Variants in FNBP1 observed in about 807,000 individuals in gnomAD.
FNBP1 encodes formin binding protein 1.
In FNBP1, 26 loss-of-function variants were observed where a neutral mutation model predicts 90.6. The observed-to-expected ratio is 0.29, with a 90% CI of 0.21 to 0.40. The LOEUF (loss-of-function observed/expected upper bound fraction) is 0.40, where lower values mean the gene tolerates loss of function less well. Ranked by LOEUF, FNBP1 falls within the 10% of genes least tolerant of loss-of-function variation. The pLI, the probability that FNBP1 is intolerant of heterozygous loss-of-function variation, is 1.00. For missense variants in FNBP1, 635 were observed against 768.0 expected (o/e 0.83, Z 2.05); for synonymous variants, 260 against 265.2 (o/e 0.98, Z 0.19).
chr9:130,037,109 C>G (rs1030091656), intron 1 of FNBP1, among the ~76,000 whole-genome samples: 1 of 150,850 alleles, frequency 6.6e-6, no homozygotes, highest in African/African-American at 2.4e-5. Flanking sequence ...GTAATCCCAG[C>G]ACTTTGGAAG....
chr9:130,036,021 T>TA (rs971632541), intron 1 of FNBP1, among the ~76,000 whole-genome samples: 1,559 of 147,936 alleles, frequency 0.011, 30 homozygotes, highest in African/African-American at 0.037. Context: ...GCCTCATCAT[T>TA]AAAAAAAAAA....
In FNBP1 at chr9:130,043,091, G is replaced by A. The variant is rs1481520795; in HGVS notation, c.-116C>T. ...CGACGGCGGAAAGCCCGGAGTCCGC[G>A]CGGCCTCCTCCGGCTCGCAGCTCCT... is the stretch of plus-strand genomic sequence containing the variant. On this transcript the variant is annotated 5_prime_UTR_variant, in exon 1 of 17. Transcript: ENST00000446176. 3.0e-6 allele frequency: 3 copies of A among 985,056 alleles called. No homozygotes were observed. The highest frequency in any genetic ancestry group is 3.4e-5 in the African/African-American group (2 of 59,256). 61.0% of individuals were successfully genotyped at this position (985,056 alleles called of 1,614,324 possible).
intron 6 of FNBP1, among the ~76,000 whole-genome samples, chr9:129,951,463 A>G (rs1409268040): frequency 7.4e-6 from 1 of 134,890 alleles, no homozygotes; most frequent in Non-Finnish European, 1.6e-5. Flanking sequence ...TTTGTTTGAG[A>G]CAGGATCTTG....
chr9:129,995,177 A>G (rs774911441), intron 1 of FNBP1, among the ~76,000 whole-genome samples: 10 of 152,108 alleles, frequency 6.6e-5, no homozygotes, highest in Non-Finnish European at 1.2e-4. Flanking sequence ...ATTCATTCAT[A>G]TTTCCTATTC....
chr9:129,993,495 A>AC (rs2053529202), intron 2 of FNBP1, among the ~76,000 whole-genome samples: 2 of 150,010 alleles, frequency 1.3e-5, no homozygotes, highest in East Asian at 2.0e-4. Context: ...AAAAAAAAAA[A>AC]CAGAGACAGG....
In FNBP1 at chr9:129,925,069, C is replaced by T. The variant is rs191141789; in HGVS notation, c.878G>A (p.Arg293His). 26 of 1,613,794 alleles carry T rather than the reference C, an allele frequency of 1.6e-5. No homozygotes were observed. Among genetic ancestry groups the T allele is most frequent in the East Asian group, 2.2e-5 (1 of 44,884 alleles). The change falls in exon 9 of 17, where the codon CGC (arginine) becomes CAC (histidine). Residue 293 changes from arginine to histidine, a missense_variant. Transcript: ENST00000446176. ...TGAAAGGCTGTTATCTGACACAGTG[C>T]GCTTCATTGGCTGAGTGTAATCCTC... The part of the protein sequence containing the change: ...EFEDYTQPMK[R>H]TVSDNSLSNS...
At chr9:130,020,232 G>C (rs926804871) in intron 1 of FNBP1, among the ~76,000 whole-genome samples, 1 of 152,120 alleles carries the variant, frequency 6.6e-6, no homozygotes, top group African/African-American at 2.4e-5. Flanking sequence ...TTTTGAGATG[G>C]AGTCTAGCTT....
Position 130,041,719 on chromosome 9 carries a change from C to A in FNBP1, c.24+1233G>T, listed in dbSNP as rs949892708. The stretch of plus-strand genomic sequence containing the variant: ...CCCTCAGGATTTTGGTAATAACAAC[C>A]GTAGCTGCTTCTGTACCTAACAAAT... On this transcript the variant is annotated intron_variant, in intron 1 of 16. Transcript: ENST00000446176. This position sits in a 1 kb window ranked among gnomAD's most constrained non-coding sequence, Gnocchi z 4.3. Among the ~76,000 whole-genome samples, 1 of 152,084 alleles carries A rather than the reference C, an allele frequency of 6.6e-6. No individual in the cohort carries two copies. Among genetic ancestry groups the A allele is most frequent in the Non-Finnish European group, 1.5e-5 (1 of 68,020 alleles).
At chr9:130,040,769 C>T (rs562064863) in intron 1 of FNBP1, among the ~76,000 whole-genome samples, 1 of 152,108 alleles carries the variant, frequency 6.6e-6, no homozygotes, top group Non-Finnish European at 1.5e-5. Context: ...TCCTTTAAAA[C>T]TATTTTCCAA....
intron 15 of FNBP1, among the ~76,000 whole-genome samples, chr9:129,898,145 A>G (rs1296950740): frequency 6.6e-6 from 1 of 152,040 alleles, no homozygotes; most frequent in Non-Finnish European, 1.5e-5. Context: ...TAGTCTTTCT[A>G]ACCATCCTCC....
intron 13 of FNBP1, among the ~76,000 whole-genome samples, chr9:129,902,634 A>C (rs1173842112): frequency 6.6e-6 from 1 of 152,194 alleles, no homozygotes; most frequent in Non-Finnish European, 1.5e-5. Flanking sequence ...CCGTATACAG[A>C]TACAACATTA....
At chr9:129,914,755 G>GTGTGTATATATATATATA (rs71499203) in intron 11 of FNBP1, among the ~76,000 whole-genome samples, 7 of 98,432 alleles carry the variant, frequency 7.1e-5, no homozygotes, top group Admixed American at 2.4e-4. Context: ...ACATACATAT[G>GTGTGTATATATATATATA]TCTATATATA....
Position 129,895,993 on chromosome 9 carries a change from T to C in FNBP1, c.1691A>G (p.Gln564Arg), listed in dbSNP as rs775746582. The change falls in exon 16 of 17, where the codon CAG (glutamine) becomes CGG (arginine). Residue 564 changes from glutamine to arginine, a missense_variant. Transcript: ENST00000446176. Reference sequence around the variant, plus strand: ...AACTACGGAAATCGTTCCTTCATTCTGACCTGAAAAAGCAATATCAGGATA... The same window carrying C: ...AACTACGGAAATCGTTCCTTCATTCCGACCTGAAAAAGCAATATCAGGATA... ...TCKALYTFEG[Q>R]NEGTISVVEG... 6.2e-7 allele frequency: 1 copy of C among 1,606,838 alleles called. No homozygotes were observed. Among genetic ancestry groups the C allele is most frequent in the African/African-American group, 1.3e-5 (1 of 74,538 alleles).
chr9:129,987,659 C>T (rs984519019), intron 2 of FNBP1, among the ~76,000 whole-genome samples: 3 of 151,782 alleles, frequency 2.0e-5, no homozygotes, highest in Non-Finnish European at 4.4e-5. Context: ...CAGGAGCGCC[C>T]GGCTAATTTT....
chr9:130,032,767 A>T (rs2132189934), intron 1 of FNBP1, among the ~76,000 whole-genome samples: 1 of 152,184 alleles, frequency 6.6e-6, no homozygotes, highest in South Asian at 2.1e-4. Context: ...TGGTAATAAT[A>T]GCCAAAGAAA....
chr9:129,906,832 T>C (rs910168777), intron 12 of FNBP1, among the ~76,000 whole-genome samples: 2 of 151,938 alleles, frequency 1.3e-5, no homozygotes, highest in Non-Finnish European at 2.9e-5. Context: ...CAGGCTGGAG[T>C]GCAGCAGCAC....
chr9:130,011,231 AAAAAAAAAAAAAATAT>A (rs1277231461), intron 1 of FNBP1, among the ~76,000 whole-genome samples: 1 of 71,298 alleles, frequency 1.4e-5, no homozygotes, highest in African/African-American at 5.7e-5. Context: ...AAAAAAAAAA[AAAAAAAAAAAAAATAT>A]ATATATATAT....
chr9:129,990,932 GTTTTTTTTTTT>G (rs35179648), intron 2 of FNBP1, among the ~76,000 whole-genome samples: 12 of 130,006 alleles, frequency 9.2e-5, no homozygotes, highest in African/African-American at 3.2e-4. Flanking sequence ...TGACACCAGG[GTTTTTTTTTTT>G]TTTTTTTTGA....
chr9:129,978,032 T>C (rs2050614496), intron 4 of FNBP1, among the ~76,000 whole-genome samples: 1 of 151,780 alleles, frequency 6.6e-6, no homozygotes, highest in South Asian at 2.1e-4. Flanking sequence ...TTTTTTTTTT[T>C]CTTTTTGAGA....
Sources: gnomAD v4.1 joint callset for allele counts (sites outside exome capture counted in the v4.1 genomes callset) on GRCh38, gnomAD v4.1.1 for gene constraint, Gnocchi (gnomAD v3.1) non-coding constraint, MANE v1.5 for transcripts, NCBI Gene and HGNC (gene_info 2026-07-23, HGNC 2026-07-21) for gene names.